Variants in COMMD5 observed in about 807,000 individuals in gnomAD.
The protein encoded by COMMD5 is COMM domain containing 5.
A neutral mutation model predicts 6.9 loss-of-function variants in COMMD5; 10 were observed. That is an observed-to-expected ratio of 1.44 (90% CI 0.89 to 2.45). The LOEUF (loss-of-function observed/expected upper bound fraction) is 2.45, where lower values mean the gene tolerates loss of function less well. Ranked by LOEUF, COMMD5 falls within the 30% of genes most tolerant of loss-of-function variation. The probability of loss-of-function intolerance (pLI) is 0.00; values close to 1 mark genes in which losing one functional copy is unlikely to be tolerated. For missense variants in COMMD5, 234 were observed against 287.8 expected, an observed-to-expected ratio of 0.81 and a Z score of 1.35; for synonymous variants, 127 against 125.3, an observed-to-expected ratio of 1.01 and a Z score of -0.09.
chr8:144,838,327 G>A (rs1262845357), downstream of COMMD5: 4 of 577,116 alleles, frequency 6.9e-6, no homozygotes, highest in African/African-American at 1.9e-5. Flanking sequence ...GTCACATTCT[G>A]AGGTGCTTCA....
At chr8:144,838,338 A>G (rs369025138), downstream of COMMD5, 5 of 570,124 alleles carry the variant, frequency 8.8e-6, no homozygotes, top group South Asian at 6.5e-5. Flanking sequence ...AGGTGCTTCA[A>G]GTTAGGACTT....
chr8:144,846,029 C>A (rs1830495142), downstream of COMMD5: 3 of 1,536,642 alleles, frequency 2.0e-6, no homozygotes, highest in Non-Finnish European at 1.7e-6. Context: ...CCCACATGCA[C>A]CGCCTGCAAC....
rs779557831 is a variant in COMMD5 at position 144,842,324 on chromosome 8, T to G, written c.*117-581A>C. ...CCAAGCCTTGTTGCACATCAGAGAA[T>G]TCACGCTGTAGAGAAACCATTTAAG... On this transcript the variant is annotated intron_variant and NMD_transcript_variant, in intron 1 of 1. Coordinates refer to the COMMD5 transcript ENST00000530332. The G allele has an allele frequency of 8.1e-6, 13 of 1,613,920 alleles. 1 individual carries two copies. In the South Asian group the frequency reaches 1.3e-4, roughly 16 times the overall value.
chr8:144,851,897 T>A (rs1830762731), intron 1 of COMMD5, among the ~76,000 whole-genome samples: 1 of 152,026 alleles, frequency 6.6e-6, no homozygotes, highest in Non-Finnish European at 1.5e-5. Context: ...CAGCACTTTG[T>A]GAAGGTGAGG....
upstream of COMMD5, chr8:144,853,192 C>G (rs1830833005): frequency 1.3e-5 from 2 of 152,224 alleles, no homozygotes; most frequent in South Asian, 4.1e-4. Flanking sequence ...CGGCGGGGTC[C>G]CAGACCTCGT....
downstream of COMMD5, among the ~76,000 whole-genome samples, chr8:144,839,711 A>G (rs750634190): frequency 1.2e-3 from 177 of 152,254 alleles, 3 homozygotes; most frequent in Admixed American, 7.8e-4. Context: ...GCACAAAACC[A>G]GAATACATGA....
downstream of COMMD5, among the ~76,000 whole-genome samples, chr8:144,845,305 G>A (rs1016099507): frequency 6.6e-6 from 1 of 152,144 alleles, no homozygotes; most frequent in Admixed American, 6.5e-5. Context: ...AGGCCCAGCA[G>A]GTGCAGGCAC....
At chr8:144,842,471 G>A in intron 1 of COMMD5, 7 of 1,613,796 alleles carry the variant, frequency 4.3e-6, no homozygotes, top group Non-Finnish European at 5.9e-6. Context: ...TGTAGTTCAC[G>A]GCTTATTCGC....
chr8:144,843,362 G>A, intron 1 of COMMD5: 1 of 590,544 alleles, frequency 1.7e-6, no homozygotes, highest in Non-Finnish European at 2.7e-6. Flanking sequence ...GGCCAAGGCG[G>A]GCACATCACG....
chr8:144,852,615 G>C (rs949812464), intron 1 of COMMD5: 5 of 152,296 alleles, frequency 3.3e-5, no homozygotes, highest in African/African-American at 1.2e-4. Flanking sequence ...TCACCGTCCC[G>C]CCAGCACCAG....
chr8:144,844,014 A>C lies in COMMD5; in HGVS notation c.*117-2271T>G, dbSNP rs1363408596. The stretch of plus-strand genomic sequence containing the variant: ...GGGCTAGCAGGTACACGCCATCATT[A>C]CTGGTGTGGTTGGCATTTATGGAGC... On this transcript the variant is annotated intron_variant and NMD_transcript_variant, in intron 1 of 1. Transcript: ENST00000530332. Among the ~76,000 whole-genome samples the C allele has an allele frequency of 2.0e-5, 3 of 152,168 alleles. No individual in the cohort carries two copies. In the East Asian group the frequency reaches 5.8e-4, roughly 29 times the overall value.
At chr8:144,842,306 T>A (rs1830040677) in intron 1 of COMMD5, 1 of 1,613,872 alleles carries the variant, frequency 6.2e-7, no homozygotes, top group African/African-American at 1.3e-5. Context: ...AGTCCAAGCC[T>A]TGTTGCACAT....
exon 2 of COMMD5, chr8:144,841,130 G>A: frequency 1.9e-6 from 1 of 539,808 alleles, no homozygotes. Flanking sequence ...CCCTGCCCCA[G>A]CAATGAACAT....
exon 2 of COMMD5, chr8:144,841,239 T>C: frequency 1.9e-6 from 2 of 1,067,320 alleles, no homozygotes; most frequent in Non-Finnish European, 2.7e-6. Context: ...ACCTGGGGCC[T>C]CACAGTGCTC....
rs1830681707 is a variant in COMMD5 at position 144,850,435 on chromosome 8, A to G, written c.*229T>C. On this transcript the variant is annotated 3_prime_UTR_variant, in exon 2 of 2. Transcript: ENST00000305103. This position sits in a 1 kb window ranked among gnomAD's most constrained non-coding sequence, Gnocchi z 4.0. ...CAGGGAAGGGGAGGGTGTGAGGTCC[A>G]ACACTCACCTATAGAAACATGTTTT... The G allele has an allele frequency of 3.1e-5, 17 of 546,756 alleles. 1 individual carries two copies. In the South Asian group the frequency reaches 4.2e-4, roughly 13 times the overall value. 33.9% of individuals were successfully genotyped at this position (546,756 alleles called of 1,614,324 possible).
In COMMD5 at chr8:144,850,431, G is replaced by C. The variant is rs1236612307; in HGVS notation, c.*233C>G. 5.6e-6 allele frequency: 3 copies of C among 534,852 alleles called. No individual in the cohort carries two copies. Among genetic ancestry groups the C allele is most frequent in the Non-Finnish European group, 9.8e-6 (3 of 304,760 alleles). The allele number at this position is 534,852 out of a possible 1,614,324, so 33.1% of individuals were successfully genotyped here. The stretch of plus-strand genomic sequence containing the variant: ...TGTACAGGGAAGGGGAGGGTGTGAG[G>C]TCCAACACTCACCTATAGAAACATG... On this transcript the variant is annotated 3_prime_UTR_variant, in exon 2 of 2. Transcript: ENST00000305103. This position sits in a 1 kb window ranked among gnomAD's most constrained non-coding sequence, Gnocchi z 4.0.
At chr8:144,852,095 C>T (rs1007610718) in intron 1 of COMMD5, among the ~76,000 whole-genome samples, 2 of 136,522 alleles carry the variant, frequency 1.5e-5, no homozygotes, top group African/African-American at 5.5e-5. Flanking sequence ...GAGACGAAAT[C>T]GAGCCGCTGC....
downstream of COMMD5, among the ~76,000 whole-genome samples, chr8:144,839,497 G>A (rs1829572913): frequency 6.6e-6 from 1 of 152,234 alleles, no homozygotes; most frequent in South Asian, 2.1e-4. Context: ...GTTTAAAGAG[G>A]GTGCCATGGC....
At chr8:144,844,169 T>C (rs947590136) in intron 1 of COMMD5, among the ~76,000 whole-genome samples, 5 of 152,158 alleles carry the variant, frequency 3.3e-5, no homozygotes, top group African/African-American at 1.2e-4. Context: ...TATTTGTGTA[T>C]CTGAAAACAT....
Sources: gnomAD v4.1 joint callset for allele counts (sites outside exome capture counted in the v4.1 genomes callset) on GRCh38, gnomAD v4.1.1 for gene constraint, Gnocchi (gnomAD v3.1) non-coding constraint, MANE v1.5 for transcripts, NCBI Gene and HGNC (gene_info 2026-07-23, HGNC 2026-07-21) for gene names.